Variants in RAB37 observed in about 807,000 individuals in gnomAD.
The protein encoded by RAB37 is RAB37, member RAS oncogene family, also known as ras-related protein Rab-37.
RAB37 carries 29 observed loss-of-function variants against 33.1 expected under a neutral mutation model. That is an observed-to-expected ratio of 0.88 (90% CI 0.65 to 1.20). RAB37 has a LOEUF of 1.20. Among genes scored for constraint, RAB37 ranks in the 50% most tolerant of loss-of-function variants. The pLI is 0.00. For synonymous variants in RAB37, 128 were observed against 119.5 expected, an observed-to-expected ratio of 1.07 and a Z score of -0.47; for missense variants, 299 against 301.1, an observed-to-expected ratio of 0.99 and a Z score of 0.05.
intron 1 of RAB37, among the ~76,000 whole-genome samples, chr17:74,689,270 C>A (rs2032114971): frequency 6.6e-6 from 1 of 151,956 alleles, no homozygotes; most frequent in Non-Finnish European, 1.5e-5. Context: ...TGGTGAAGCC[C>A]CGTTTCTACT....
At chr17:74,675,826 G>A (rs1465506613) in intron 1 of RAB37, among the ~76,000 whole-genome samples, 1 of 152,218 alleles carries the variant, frequency 6.6e-6, no homozygotes, top group African/African-American at 2.4e-5. Context: ...ACCCAGGCAA[G>A]CCCAAGTAAC....
At chr17:74,713,041 T>C in intron 1 of RAB37, 1 of 642,404 alleles carries the variant, frequency 1.6e-6, no homozygotes, top group Non-Finnish European at 2.7e-6. Flanking sequence ...GCACCGTGGC[T>C]CAGGCCTGTA....
chr17:74,703,065 G>A lies in RAB37; in HGVS notation c.73-26191G>A, dbSNP rs34851642. The A allele has an allele frequency of 1.0e-3, 1,694 of 1,614,000 alleles. 18 individuals are homozygous for A. In the African/African-American group the frequency reaches 0.019, roughly 18 times the overall value. The stretch of plus-strand genomic sequence containing the variant: ...GTCCAAGTGGTGGCCGGTCAGAGTT[G>A]GGGAGCTGCTAGTTTCTTCTTGGGT... On this transcript the variant is annotated intron_variant, in intron 1 of 7. Transcript: ENST00000340415.
At chr17:74,719,422 C>T (rs896867591) in intron 1 of RAB37, among the ~76,000 whole-genome samples, 12 of 152,142 alleles carry the variant, frequency 7.9e-5, no homozygotes, top group African/African-American at 2.9e-4. Flanking sequence ...CACAGCACTC[C>T]AGACTGGGCA....
chr17:74,726,877 C>G (rs942067493), intron 1 of RAB37, among the ~76,000 whole-genome samples: 3 of 152,226 alleles, frequency 2.0e-5, no homozygotes, highest in Non-Finnish European at 4.4e-5. Context: ...TCCTTTCACA[C>G]AGTCTTGAAT....
At chr17:74,695,865 A>C in intron 1 of RAB37, 1 of 1,611,700 alleles carries the variant, frequency 6.2e-7, no homozygotes, top group South Asian at 1.1e-5. Flanking sequence ...AGTACCTGGG[A>C]CAGGGAACAC....
chr17:74,744,206 C>T lies in RAB37; in HGVS notation c.367-102C>T, dbSNP rs959043006. On this transcript the variant is annotated intron_variant, in intron 5 of 8. Coordinates refer to ENST00000392613, the MANE Select transcript of RAB37 (RefSeq NM_001006638.3). The surrounding 1 kb of genome is among the most constrained non-coding windows in gnomAD (Gnocchi z 4.2). ...ACAGATGAGAGAACGCACAGGGTATCGTGTTCAAGGTAGTGAGTAACTGAG... is the reference window on the plus strand; with the variant it reads ...ACAGATGAGAGAACGCACAGGGTATTGTGTTCAAGGTAGTGAGTAACTGAG... 29 of 1,107,132 alleles carry T rather than the reference C, an allele frequency of 2.6e-5. No individual in the cohort carries two copies. The highest frequency in any genetic ancestry group is 7.7e-5 in the African/African-American group (5 of 64,750). The allele number at this position is 1,107,132 out of a possible 1,614,324, so 68.6% of individuals were successfully genotyped here. A position where few individuals can be genotyped will look rare whatever the true frequency, so the allele number is the denominator to read the frequency against.
chr17:74,745,795 G>A lies in RAB37; in HGVS notation c.*384G>A. ...CCCCAGGGGACACAGATGCACTTTGGGGGTGAGGGCAGGTAATGACTCCAT... is the reference window on the plus strand; with the variant it reads ...CCCCAGGGGACACAGATGCACTTTGAGGGTGAGGGCAGGTAATGACTCCAT... On this transcript the variant is annotated 3_prime_UTR_variant, in exon 9 of 9. Coordinates refer to ENST00000392613, the MANE Select transcript of RAB37 (RefSeq NM_001006638.3). This position sits in a 1 kb window ranked among gnomAD's most constrained non-coding sequence, Gnocchi z 4.5. The A allele has an allele frequency of 1.6e-5, 3 of 192,040 alleles. No homozygotes were observed. In the South Asian group the frequency reaches 2.7e-4, roughly 17 times the overall value. 11.9% of individuals were successfully genotyped at this position (192,040 alleles called of 1,614,324 possible). A position where few individuals can be genotyped will look rare whatever the true frequency, so the allele number is the denominator to read the frequency against.
At chr17:74,734,712 G>A (rs1202448366), upstream of RAB37, among the ~76,000 whole-genome samples, 1 of 151,912 alleles carries the variant, frequency 6.6e-6, no homozygotes, top group Non-Finnish European at 1.5e-5. Flanking sequence ...GCATGATGAT[G>A]GGCACCTGTT....
At chr17:74,737,939 G>T (rs908277306) in intron 1 of RAB37, among the ~76,000 whole-genome samples, 1 of 152,140 alleles carries the variant, frequency 6.6e-6, no homozygotes, top group Non-Finnish European at 1.5e-5. Context: ...CGGCCTGCAG[G>T]TCACTTGGGA....
At chr17:74,694,972 C>A in intron 1 of RAB37, 1 of 1,113,744 alleles carries the variant, frequency 9.0e-7, no homozygotes, top group Admixed American at 2.4e-5. Flanking sequence ...AGGGGCAATG[C>A]TGGCTGATCA....
chr17:74,672,128 T>TC (rs760370903), intron 1 of RAB37, among the ~76,000 whole-genome samples: 40 of 152,286 alleles, frequency 2.6e-4, no homozygotes, highest in Non-Finnish European at 4.7e-4. Flanking sequence ...CCAGAAAGCT[T>TC]CCCTCCAGCC....
upstream of RAB37, chr17:74,736,634 A>C (rs993646696): frequency 8.5e-6 from 13 of 1,535,224 alleles, no homozygotes; most frequent in Middle Eastern, 3.5e-4. Flanking sequence ...GGGCACAACC[A>C]ACAGGCCGGG....
intron 1 of RAB37, among the ~76,000 whole-genome samples, chr17:74,739,624 G>A (rs181539146): frequency 2.5e-4 from 37 of 150,714 alleles, no homozygotes; most frequent in Admixed American, 7.3e-4. Flanking sequence ...CTACCTCCTG[G>A]GTTCAAGCTA....
chr17:74,736,633 C>G, upstream of RAB37: 1 of 1,535,052 alleles, frequency 6.5e-7, no homozygotes. Context: ...TGGGCACAAC[C>G]AACAGGCCGG....
chr17:74,688,825 T>C (rs1339874143), intron 1 of RAB37, among the ~76,000 whole-genome samples: 1 of 152,204 alleles, frequency 6.6e-6, no homozygotes, highest in African/African-American at 2.4e-5. Flanking sequence ...TAGAATTTCT[T>C]GCTTCATGTT....
intron 1 of RAB37, chr17:74,677,637 T>G (rs1295192319): frequency 6.6e-6 from 1 of 152,240 alleles, no homozygotes; most frequent in Non-Finnish European, 1.5e-5. Context: ...TTGCTTGCTC[T>G]GAAGGCTTAC....
intron 1 of RAB37, among the ~76,000 whole-genome samples, chr17:74,687,476 G>A (rs187272477): frequency 3.9e-5 from 6 of 152,154 alleles, no homozygotes; most frequent in East Asian, 1.9e-4. Flanking sequence ...CACCTGCCTC[G>A]GCCTCCCAAA....
Position 74,696,882 on chromosome 17 carries a change from C to G in RAB37, c.72+25224C>G, listed in dbSNP as rs138154120. ...CCCGAGTAGAATGTGCAAGCTGGGT[C>G]GGCACAGTAGGGACCGATTTTGTTT... On this transcript the variant is annotated intron_variant, in intron 1 of 7. Coordinates refer to the RAB37 transcript ENST00000340415. Among the ~76,000 whole-genome samples, 365 of 151,724 alleles carry G rather than the reference C, an allele frequency of 2.4e-3. 2 individuals carry two copies. Among genetic ancestry groups the G allele is most frequent in the Non-Finnish European group, 4.2e-3 (284 of 67,976 alleles).
Sources: allele counts gnomAD v4.1 joint callset (sites outside exome capture counted in the v4.1 genomes callset), GRCh38; gene constraint gnomAD v4.1.1; non-coding constraint Gnocchi (gnomAD v3.1); transcripts MANE v1.5; gene names NCBI Gene and HGNC (gene_info 2026-07-23, HGNC 2026-07-21).